The following PDZD2 variants were observed in gnomAD, a reference collection of about 807,000 sequenced individuals.
The protein encoded by PDZD2 is PDZ domain containing 2, also known as PDZ domain-containing protein 2.
In PDZD2, 90 loss-of-function variants were observed where a neutral mutation model predicts 220.7. That is an observed-to-expected ratio of 0.41 (90% CI 0.34 to 0.49). The LOEUF (loss-of-function observed/expected upper bound fraction) is 0.49, where lower values mean the gene tolerates loss of function less well. PDZD2 is among the 20% of genes least tolerant of loss of function. The pLI is 0.28. For missense variants in PDZD2, 3,174 were observed against 3,608.5 expected (o/e 0.88, Z 3.08); for synonymous variants, 1,375 against 1,450.5 (o/e 0.95, Z 1.18).
At position 31,740,884 on chromosome 5, in the gene PDZD2, G is replaced by A. The variant is rs58384754; in HGVS notation, c.-360-58005G>A. On this transcript the variant is annotated intron_variant, in intron 1 of 24. Coordinates refer to ENST00000438447, the MANE Select transcript of PDZD2 (RefSeq NM_178140.4). The stretch of plus-strand genomic sequence containing the variant: ...CATTGTCCTCGTAAACTTTTGTAAA[G>A]CATCAATGATTTCACCATTCTTCCA... Among the ~76,000 whole-genome samples the A allele has an allele frequency of 5.7e-4, 87 of 152,250 alleles. No individual in the cohort carries two copies. The East Asian group carries it at 9.3e-3, about 16-fold the overall frequency.
At chr5:31,833,304 C>CA (rs1462369780) in intron 2 of PDZD2, among the ~76,000 whole-genome samples, 1 of 151,870 alleles carries the variant, frequency 6.6e-6, no homozygotes, top group Non-Finnish European at 1.5e-5. Flanking sequence ...CACGTCTCTA[C>CA]AAAAAATACA....
In PDZD2 at chr5:32,057,704, T is replaced by C; in HGVS notation, c.1950T>C (p.Phe650=). ...VNGIPIKGLT[F]QEAIHTFKQI... The stretch of plus-strand genomic sequence containing the variant: ...GAATACCAATAAAGGGCTTGACATT[T>C]CAAGAAGCCATTCATACCTTTAAGG... The change falls in exon 11 of 25, where the codon TTT becomes TTC. Residue 650 remains phenylalanine (F), a synonymous_variant. Coordinates refer to ENST00000438447, the MANE Select transcript of PDZD2 (RefSeq NM_178140.4). The C allele has an allele frequency of 6.3e-7, 1 of 1,594,192 alleles. No individual in the cohort carries two copies. The highest frequency in any genetic ancestry group is 8.6e-7 in the Non-Finnish European group (1 of 1,162,832).
At position 31,773,357 on chromosome 5, in the gene PDZD2, A is replaced by G. The variant is rs1485856077; in HGVS notation, c.-360-25532A>G. Among the ~76,000 whole-genome samples, 8 of 152,222 alleles carry G rather than the reference A, an allele frequency of 5.3e-5. No homozygotes were observed. The East Asian group carries it at 1.4e-3, about 26-fold the overall frequency. ...GATGTATTCAATATAGTCTAGTGAAAGGCAGACGCGGTGGCTCATGCCTGT... is the reference window on the plus strand; with the variant it reads ...GATGTATTCAATATAGTCTAGTGAAGGGCAGACGCGGTGGCTCATGCCTGT... On this transcript the variant is annotated intron_variant, in intron 1 of 24. Transcript: ENST00000438447.
chr5:31,865,500 T>TG (rs1339263879), intron 2 of PDZD2, among the ~76,000 whole-genome samples: 5 of 151,320 alleles, frequency 3.3e-5, no homozygotes, highest in African/African-American at 4.9e-5. Flanking sequence ...TTTGTAGAGA[T>TG]GGGGTCTCCC....
intron 18 of PDZD2, among the ~76,000 whole-genome samples, chr5:32,075,349 G>A (rs1450118310): frequency 6.6e-6 from 1 of 152,176 alleles, no homozygotes; most frequent in Admixed American, 6.5e-5. Flanking sequence ...CTGGGCTGGT[G>A]CTCTCTGCCT....
At chr5:31,909,678 T>C (rs1351765626) in intron 2 of PDZD2, among the ~76,000 whole-genome samples, 1 of 152,206 alleles carries the variant, frequency 6.6e-6, no homozygotes, top group Non-Finnish European at 1.5e-5. Flanking sequence ...GAAATAGTCA[T>C]GTATAGCTCT....
At chr5:31,859,278 C>T (rs1336923863) in intron 2 of PDZD2, among the ~76,000 whole-genome samples, 3 of 152,208 alleles carry the variant, frequency 2.0e-5, no homozygotes, top group Non-Finnish European at 4.4e-5. Context: ...ATTAAACCTT[C>T]TCTATTGCAA....
chr5:32,085,449 A>ATT (rs760556899), intron 19 of PDZD2, among the ~76,000 whole-genome samples: 9 of 146,964 alleles, frequency 6.1e-5, no homozygotes, highest in Middle Eastern at 3.4e-3. Flanking sequence ...ATACCTTATT[A>ATT]TTATTTTTTT....
At chr5:31,891,873 C>G (rs917804703) in intron 2 of PDZD2, among the ~76,000 whole-genome samples, 18 of 152,010 alleles carry the variant, frequency 1.2e-4, no homozygotes, top group African/African-American at 4.1e-4. Flanking sequence ...GTTAGGAAAT[C>G]TGCTGTGACA....
intron 1 of PDZD2, among the ~76,000 whole-genome samples, chr5:31,764,125 T>C (rs1263020765): frequency 6.6e-6 from 1 of 151,922 alleles, no homozygotes; most frequent in East Asian, 1.9e-4. Flanking sequence ...ACCTGAAACT[T>C]TTTACACGCT....
intron 1 of PDZD2, among the ~76,000 whole-genome samples, chr5:31,702,693 G>A (rs376958165): frequency 1.4e-4 from 21 of 152,330 alleles, no homozygotes; most frequent in African/African-American, 2.9e-4. Flanking sequence ...AGATTATCTC[G>A]AAATTTCTTC....
intron 2 of PDZD2, among the ~76,000 whole-genome samples, chr5:31,944,154 A>G (rs1746442666): frequency 6.6e-6 from 1 of 152,218 alleles, no homozygotes; most frequent in Non-Finnish European, 1.5e-5. Flanking sequence ...TTTTCTTTGT[A>G]ATCCTATGCA....
chr5:32,072,532 A>G (rs1182423759), intron 17 of PDZD2, among the ~76,000 whole-genome samples: 2 of 152,166 alleles, frequency 1.3e-5, no homozygotes, highest in African/African-American at 4.8e-5. Context: ...GGAGTTCAAG[A>G]CCAGCCTGGC....
intron 6 of PDZD2, among the ~76,000 whole-genome samples, chr5:32,033,004 A>G (rs770407327): frequency 4.6e-5 from 7 of 152,172 alleles, no homozygotes; most frequent in Non-Finnish European, 8.8e-5. Context: ...ATTCTATGAG[A>G]CTCCATTAAT....
intron 1 of PDZD2, among the ~76,000 whole-genome samples, chr5:31,684,481 G>C: frequency 6.6e-6 from 1 of 151,810 alleles, no homozygotes; most frequent in East Asian, 1.9e-4. Context: ...TCACCTCTTG[G>C]GTAGACCATT....
At chr5:32,043,713 C>T (rs1226130611) in intron 7 of PDZD2, among the ~76,000 whole-genome samples, 5 of 152,134 alleles carry the variant, frequency 3.3e-5, no homozygotes, top group South Asian at 2.1e-4. Context: ...CCACAACCTC[C>T]GCCTCCCAGG....
At chr5:31,921,410 G>A (rs1279538014) in intron 2 of PDZD2, among the ~76,000 whole-genome samples, 2 of 152,142 alleles carry the variant, frequency 1.3e-5, no homozygotes, top group African/African-American at 2.4e-5. Flanking sequence ...AAGGCCGGGT[G>A]CAGTGGCTCA....
chr5:32,084,756 G>A (rs999546626), intron 19 of PDZD2, among the ~76,000 whole-genome samples: 1 of 151,912 alleles, frequency 6.6e-6, no homozygotes, highest in African/African-American at 2.4e-5. Context: ...CCTGTTGCAA[G>A]ATGCTGTGTG....
chr5:31,883,140 T>G (rs1363472420), intron 2 of PDZD2, among the ~76,000 whole-genome samples: 1 of 151,090 alleles, frequency 6.6e-6, no homozygotes, highest in African/African-American at 2.4e-5. Context: ...AGTTAATGCA[T>G]TAATAACTAG....
Sources: gnomAD v4.1 joint callset for allele counts (sites outside exome capture counted in the v4.1 genomes callset) on GRCh38, gnomAD v4.1.1 for gene constraint, MANE v1.5 for transcripts, NCBI Gene and HGNC (gene_info 2026-07-23, HGNC 2026-07-21) for gene names.